Variants in LHCGR observed in about 807,000 individuals in gnomAD.
The protein encoded by LHCGR is luteinizing hormone/choriogonadotropin receptor.
Under a neutral mutation model 60.7 loss-of-function variants are expected in LHCGR, and 55 were observed. That is an observed-to-expected ratio of 0.91 (90% confidence interval 0.73 to 1.13). The LOEUF (loss-of-function observed/expected upper bound fraction) is 1.13, where lower values mean the gene tolerates loss of function less well. Ranked by LOEUF, LHCGR falls within the 50% of genes most tolerant of loss-of-function variation. The pLI, the probability that LHCGR is intolerant of heterozygous loss-of-function variation, is 0.00. For synonymous variants in LHCGR, 337 were observed against 316.5 expected, an observed-to-expected ratio of 1.06 and a Z score of -0.69; for missense variants, 862 against 836.0, an observed-to-expected ratio of 1.03 and a Z score of -0.38.
At chr2:48,752,981 C>CGGGGGGGGGGGGTG (rs1351621882) in intron 1 of LHCGR, among the ~76,000 whole-genome samples, 2 of 7,634 alleles carry the variant, frequency 2.6e-4, no homozygotes, top group African/African-American at 1.6e-3. Flanking sequence ...CGGATTTTGG[C>CGGGGGGGGGGGGTG]GGGGGGGGGG....
chr2:48,744,538 C>T (rs1308142261), intron 1 of LHCGR, among the ~76,000 whole-genome samples: 4 of 101,040 alleles, frequency 4.0e-5, no homozygotes, highest in Admixed American at 1.1e-4. Context: ...AGAAATAACA[C>T]CGCATATCTA....
At chr2:48,735,175 C>G (rs1294484660) in intron 1 of LHCGR, among the ~76,000 whole-genome samples, 3 of 152,198 alleles carry the variant, frequency 2.0e-5, no homozygotes, top group Non-Finnish European at 4.4e-5. Flanking sequence ...ACTCATTAAT[C>G]TCATCTGCAG....
rs577149875 is a variant in LHCGR at position 48,719,767 on chromosome 2, G to C, written c.536+3689C>G. Among the ~76,000 whole-genome samples the C allele has an allele frequency of 2.6e-5, 4 of 152,280 alleles. No homozygotes were observed. The East Asian group carries it at 7.7e-4, about 29-fold the overall frequency. On this transcript the variant is annotated intron_variant, in intron 6 of 10. Transcript: ENST00000294954. Reference sequence around the variant, plus strand: ...ATTTGGGTAGGGGGAGGGCAAGACAGGTTCTACAAAAAGCAAAATCTCAAA... The same window carrying C: ...ATTTGGGTAGGGGGAGGGCAAGACACGTTCTACAAAAAGCAAAATCTCAAA...
At chr2:48,697,510 A>C (rs991528053) in intron 9 of LHCGR, among the ~76,000 whole-genome samples, 1 of 152,254 alleles carries the variant, frequency 6.6e-6, no homozygotes, top group Non-Finnish European at 1.5e-5. Flanking sequence ...TTAATGGCAC[A>C]TGACTCTGTG....
At chr2:48,741,035 A>C (rs371721398) in intron 1 of LHCGR, among the ~76,000 whole-genome samples, 2 of 152,174 alleles carry the variant, frequency 1.3e-5, no homozygotes, top group South Asian at 2.1e-4. Context: ...CGAGAACTAC[A>C]TGAAGAATGC....
chr2:48,727,544 C>T (rs1474964087), intron 3 of LHCGR, among the ~76,000 whole-genome samples: 1 of 152,218 alleles, frequency 6.6e-6, no homozygotes, highest in African/African-American at 2.4e-5. Context: ...TTATCATTAG[C>T]TGCCCTGGTG....
intron 6 of LHCGR, among the ~76,000 whole-genome samples, chr2:48,717,542 C>CTTATTATTATTATTA (rs34793365): frequency 0.025 from 3,702 of 151,028 alleles, 60 homozygotes; most frequent in Middle Eastern, 0.038. Context: ...ATGTGTTGAT[C>CTTATTATTATTATTA]TTATTATTAT....
intron 1 of LHCGR, among the ~76,000 whole-genome samples, chr2:48,733,950 G>T (rs146448263): frequency 6.6e-6 from 1 of 152,172 alleles, no homozygotes. Flanking sequence ...TTCTTTCCAT[G>T]ATGCCAGAAA....
intron 1 of LHCGR, among the ~76,000 whole-genome samples, chr2:48,748,824 G>A (rs1669822287): frequency 1.3e-5 from 2 of 152,152 alleles, no homozygotes; most frequent in South Asian, 4.1e-4. Flanking sequence ...AGACAGCAAA[G>A]AGATTTCATC....
chr2:48,729,248 A>T, intron 2 of LHCGR, 21 bp from the exon 3 acceptor site: 1 of 1,548,458 alleles, frequency 6.5e-7, no homozygotes, highest in Non-Finnish European at 8.9e-7. Flanking sequence ...GAGGAGGGGG[A>T]AAAAGAGAAA....
At chr2:48,741,034 C>T (rs1465488358) in intron 1 of LHCGR, among the ~76,000 whole-genome samples, 2 of 152,110 alleles carry the variant, frequency 1.3e-5, no homozygotes, top group East Asian at 3.8e-4. Flanking sequence ...TCGAGAACTA[C>T]ATGAAGAATG....
intron 1 of LHCGR, among the ~76,000 whole-genome samples, chr2:48,737,257 A>C (rs1669241325): frequency 6.6e-6 from 1 of 152,270 alleles, no homozygotes; most frequent in African/African-American, 2.4e-5. Flanking sequence ...TTTTCCACAG[A>C]TAATGAGTTT....
chr2:48,706,594 C>CT (rs959665309), intron 8 of LHCGR, among the ~76,000 whole-genome samples: 2 of 152,026 alleles, frequency 1.3e-5, no homozygotes, highest in African/African-American at 4.8e-5. Flanking sequence ...TTTGTTTTCA[C>CT]TTTTTTTTCT....
rs1680029298 is a variant in LHCGR at position 48,688,603 on chromosome 2, C to T, written c.1194G>A (p.Met398Ile). Residue 398 changes from methionine (M) to isoleucine (I), a missense_variant, in exon 11 of 11, where the codon ATG becomes ATA. By Grantham distance (10) the Met-to-Ile change is conservative (BLOSUM62 1). Coordinates refer to ENST00000294954, the MANE Select transcript of LHCGR (RefSeq NM_000233.4). This position sits in a 1 kb window ranked among gnomAD's most constrained non-coding sequence, Gnocchi z 5.2. ...RYKLTVPRFLMCNLSFADFCM... is the reference protein window; with the variant it reads ...RYKLTVPRFLICNLSFADFCM... ...AAAAGTCTGCAAAGGAGAGATTGCA[C>T]ATGAGAAAACGAGGCACTGTAAGTT... The T allele has an allele frequency of 6.2e-7, 1 of 1,614,150 alleles. No individual in the cohort carries two copies. The highest frequency in any genetic ancestry group is 8.5e-7 in the Non-Finnish European group (1 of 1,180,028).
chr2:48,713,248 C>T (rs1012522642), intron 7 of LHCGR, among the ~76,000 whole-genome samples: 10 of 152,082 alleles, frequency 6.6e-5, no homozygotes, highest in African/African-American at 2.2e-4. Flanking sequence ...GTTTATTTTC[C>T]ATAATTTTGG....
intron 6 of LHCGR, among the ~76,000 whole-genome samples, chr2:48,719,654 T>A (rs188200578): frequency 6.6e-6 from 1 of 152,282 alleles, no homozygotes; most frequent in East Asian, 1.9e-4. Flanking sequence ...AAAAGCATAA[T>A]GCATAGTTTT....
intron 8 of LHCGR, among the ~76,000 whole-genome samples, chr2:48,705,545 A>G (rs905962703): frequency 2.6e-5 from 4 of 152,154 alleles, no homozygotes; most frequent in Non-Finnish European, 5.9e-5. Flanking sequence ...GTAGTTCTCT[A>G]AGAACTGGCT....
At chr2:48,692,165 T>G (rs1395352111) in intron 10 of LHCGR, among the ~76,000 whole-genome samples, 1 of 152,234 alleles carries the variant, frequency 6.6e-6, no homozygotes, top group Non-Finnish European at 1.5e-5. Flanking sequence ...ATTTGCATTT[T>G]AAGTAAGTTC....
At chr2:48,728,927 G>T (rs1267317709) in intron 3 of LHCGR, among the ~76,000 whole-genome samples, 1 of 152,182 alleles carries the variant, frequency 6.6e-6, no homozygotes, top group Non-Finnish European at 1.5e-5. Context: ...TCTTTGTGTT[G>T]TGATGTTTCA....
Sources: gnomAD v4.1 joint callset for allele counts (sites outside exome capture counted in the v4.1 genomes callset) on GRCh38, gnomAD v4.1.1 for gene constraint, Gnocchi (gnomAD v3.1) non-coding constraint, MANE v1.5 for transcripts, NCBI Gene and HGNC (gene_info 2026-07-23, HGNC 2026-07-21) for gene names.